Variants in GRID2 observed in about 807,000 individuals in gnomAD.
GRID2 encodes the protein glutamate ionotropic receptor delta type subunit 2, also known as glutamate receptor ionotropic, delta-2.
A neutral mutation model predicts 114.8 loss-of-function variants in GRID2; 33 were observed. That is an observed-to-expected ratio of 0.29 (90% CI 0.22 to 0.38). GRID2 has a LOEUF of 0.38. GRID2 is among the 10% of genes least tolerant of loss of function. The probability of loss-of-function intolerance (pLI) is 1.00; values close to 1 mark genes in which losing one functional copy is unlikely to be tolerated. For synonymous variants in GRID2, 505 were observed against 449.9 expected, an observed-to-expected ratio of 1.12 and a Z score of -1.55; for missense variants, 1,184 against 1,257.7, an observed-to-expected ratio of 0.94 and a Z score of 0.89.
intron 2 of GRID2, among the ~76,000 whole-genome samples, chr4:93,075,904 T>G (rs1187030890): frequency 5.7e-5 from 3 of 52,632 alleles, no homozygotes; most frequent in Admixed American, 2.6e-4. Context: ...TTTTTTTTTT[T>G]TTTTTTTTTT....
At chr4:93,370,491 G>GCA (rs1213170752) in intron 8 of GRID2, among the ~76,000 whole-genome samples, 208 of 138,186 alleles carry the variant, frequency 1.5e-3, no homozygotes, top group African/African-American at 4.4e-3. Flanking sequence ...ACACACACAC[G>GCA]CACACACACA....
At chr4:92,414,974 A>G (rs1731522264) in intron 1 of GRID2, among the ~76,000 whole-genome samples, 1 of 152,142 alleles carries the variant, frequency 6.6e-6, no homozygotes, top group Non-Finnish European at 1.5e-5. Context: ...GATATACTAG[A>G]CAAGATGTTA....
chr4:92,880,058 A>G (rs1745899863), intron 2 of GRID2, among the ~76,000 whole-genome samples: 1 of 152,210 alleles, frequency 6.6e-6, no homozygotes, highest in Non-Finnish European at 1.5e-5. Context: ...TGGATTCAGA[A>G]TTTTTTACAG....
chr4:93,087,257 G>A lies in GRID2; in HGVS notation c.529+1978G>A, dbSNP rs184387859. On this transcript the variant is annotated intron_variant, in intron 3 of 15. Transcript: ENST00000282020. ...GGGTTTCAACGTGTTAGCCAGGATG[G>A]TCTCGATCTCCTGACATCGTGATCC... 4.2e-3 allele frequency among the ~76,000 whole-genome samples: 637 copies of A among 151,848 alleles called. 2 individuals are homozygous for A. Among genetic ancestry groups the A allele is most frequent in the Middle Eastern group, 0.014 (4 of 294 alleles).
In GRID2 at chr4:93,537,048, C is replaced by A. The variant is rs139327990; in HGVS notation, c.2193+21637C>A. Among the ~76,000 whole-genome samples, 8 of 151,552 alleles carry A rather than the reference C, an allele frequency of 5.3e-5. No homozygotes were observed. The East Asian group carries it at 1.5e-3, about 29-fold the overall frequency. Reference sequence around the variant, plus strand: ...ATAACACTCAATATCTAAAAAAATCCTTGAAATCTTATAAGCTTCTACTTT... The same window carrying A: ...ATAACACTCAATATCTAAAAAAATCATTGAAATCTTATAAGCTTCTACTTT... On this transcript the variant is annotated intron_variant, in intron 13 of 15. Transcript: ENST00000282020.
At chr4:92,459,502 T>C (rs1470004960) in intron 1 of GRID2, among the ~76,000 whole-genome samples, 3 of 152,080 alleles carry the variant, frequency 2.0e-5, no homozygotes, top group African/African-American at 7.2e-5. Flanking sequence ...AATACAAACG[T>C]CTTATTATGT....
intron 14 of GRID2, among the ~76,000 whole-genome samples, chr4:93,735,098 A>G (rs572733145): frequency 6.6e-6 from 1 of 152,040 alleles, no homozygotes; most frequent in Non-Finnish European, 1.5e-5. Flanking sequence ...GCAAGCAAAC[A>G]TTGTGAAATC....
chr4:92,751,521 GAGAT>G (rs1430677013), intron 2 of GRID2, among the ~76,000 whole-genome samples: 3 of 152,174 alleles, frequency 2.0e-5, no homozygotes, highest in Non-Finnish European at 4.4e-5. Flanking sequence ...TAACTGCAAA[GAGAT>G]AGTTCTTAGA....
At chr4:93,271,381 A>AGGG (rs1751440612) in intron 8 of GRID2, among the ~76,000 whole-genome samples, 1 of 152,292 alleles carries the variant, frequency 6.6e-6, no homozygotes, top group South Asian at 2.1e-4. Context: ...GGAACAATGA[A>AGGG]GGGGTTTTCC....
intron 2 of GRID2, among the ~76,000 whole-genome samples, chr4:92,960,919 G>T (rs1238401353): frequency 6.6e-6 from 1 of 150,512 alleles, no homozygotes; most frequent in Non-Finnish European, 1.5e-5. Flanking sequence ...TTTTTCCTTG[G>T]TTTCTTATAA....
At chr4:92,566,600 G>A (rs1727347363) in intron 1 of GRID2, among the ~76,000 whole-genome samples, 1 of 151,870 alleles carries the variant, frequency 6.6e-6, no homozygotes, top group Non-Finnish European at 1.5e-5. Flanking sequence ...TGTACACTGA[G>A]ATATTTTTCT....
intron 13 of GRID2, among the ~76,000 whole-genome samples, chr4:93,524,580 C>T (rs1392217026): frequency 6.6e-6 from 1 of 151,340 alleles, no homozygotes; most frequent in East Asian, 2.0e-4. Flanking sequence ...AAATCAGACT[C>T]GATTAGATGT....
chr4:93,323,050 A>G (rs549664906), intron 8 of GRID2, among the ~76,000 whole-genome samples: 33 of 152,218 alleles, frequency 2.2e-4, no homozygotes, highest in African/African-American at 7.7e-4. Context: ...CTTTAGTTTA[A>G]TTAGATCACT....
chr4:93,493,535 A>T (rs1013991788), intron 12 of GRID2, among the ~76,000 whole-genome samples: 1 of 138,220 alleles, frequency 7.2e-6, no homozygotes, highest in African/African-American at 2.8e-5. Context: ...TACCTGTCAA[A>T]TTCTTTTTTT....
At chr4:92,930,157 G>A (rs936658603) in intron 2 of GRID2, among the ~76,000 whole-genome samples, 3 of 151,254 alleles carry the variant, frequency 2.0e-5, no homozygotes, top group African/African-American at 7.3e-5. Context: ...AGATCACATA[G>A]ACAGGAAGGA....
At chr4:92,525,545 AAAG>A (rs1269168587) in intron 1 of GRID2, among the ~76,000 whole-genome samples, 1 of 152,110 alleles carries the variant, frequency 6.6e-6, no homozygotes, top group African/African-American at 2.4e-5. Flanking sequence ...GCATGAGAAA[AAAG>A]AAGCAGAGAT....
chr4:93,235,644 G>A (rs867705875), intron 7 of GRID2, among the ~76,000 whole-genome samples: 1 of 152,092 alleles, frequency 6.6e-6, no homozygotes, highest in Non-Finnish European at 1.5e-5. Flanking sequence ...ATGAGGGAAG[G>A]TTTCACTGAT....
intron 1 of GRID2, among the ~76,000 whole-genome samples, chr4:92,473,400 G>A (rs1331111347): frequency 1.3e-5 from 2 of 151,892 alleles, no homozygotes; most frequent in Admixed American, 6.6e-5. Context: ...ACTTTTTAAT[G>A]GCTTACATTT....
At chr4:92,938,058 T>C (rs1433163355) in intron 2 of GRID2, among the ~76,000 whole-genome samples, 1 of 146,890 alleles carries the variant, frequency 6.8e-6, no homozygotes, top group Non-Finnish European at 1.5e-5. Flanking sequence ...GATGAAATAA[T>C]GTTAGATTTT....
Sources: gnomAD v4.1 joint callset for allele counts (sites outside exome capture counted in the v4.1 genomes callset) on GRCh38, gnomAD v4.1.1 for gene constraint, MANE v1.5 for transcripts, NCBI Gene and HGNC (gene_info 2026-07-23, HGNC 2026-07-21) for gene names.